CIT: variants seen among roughly 807,000 people sequenced by gnomAD.
The protein encoded by CIT is citron Rho-interacting kinase.
Under a neutral mutation model 272.7 loss-of-function variants are expected in CIT, and 79 were observed. The observed-to-expected ratio is 0.29, with a 90% CI of 0.24 to 0.35. The LOEUF (loss-of-function observed/expected upper bound fraction) is 0.35. Among genes scored for constraint, CIT ranks in the 10% least tolerant of loss-of-function variants. The pLI, the probability that CIT is intolerant of heterozygous loss-of-function variation, is 1.00. For missense variants in CIT, 1,909 were observed against 2,618.3 expected, an observed-to-expected ratio of 0.73 and a Z score of 5.91; for synonymous variants, 948 against 995.6, an observed-to-expected ratio of 0.95 and a Z score of 0.90.
At chr12:119,738,757 C>T (rs537734278) in intron 24 of CIT, among the ~76,000 whole-genome samples, 4 of 152,082 alleles carry the variant, frequency 2.6e-5, no homozygotes, top group African/African-American at 7.2e-5. Context: ...GTGGCACATG[C>T]CTATAATCCC....
intron 24 of CIT, among the ~76,000 whole-genome samples, chr12:119,739,805 A>G (rs1244914745): frequency 9.2e-5 from 14 of 152,170 alleles, no homozygotes; most frequent in Admixed American, 9.2e-4. Context: ...TCAGTGTTCC[A>G]TAAGTTGTAT....
In CIT at chr12:119,718,159, T is replaced by A. The variant is rs976673343; in HGVS notation, c.4168+86A>T. Reference sequence around the variant, plus strand: ...CTGGCCAAGACTGACTTTTTAATCTTTAACCCCTAGTATTACTTGTAATTT... The same window carrying A: ...CTGGCCAAGACTGACTTTTTAATCTATAACCCCTAGTATTACTTGTAATTT... On this transcript the variant is annotated intron_variant, in intron 32 of 47. Coordinates refer to ENST00000392521, the MANE Select transcript of CIT (RefSeq NM_001206999.2). This position sits in a 1 kb window ranked among gnomAD's most constrained non-coding sequence, Gnocchi z 4.8. 1.2e-5 allele frequency: 18 copies of A among 1,447,304 alleles called. No individual in the cohort carries two copies. The highest frequency in any genetic ancestry group is 1.6e-5 in the Non-Finnish European group (17 of 1,078,644). 89.7% of individuals were successfully genotyped at this position (1,447,304 alleles called of 1,614,324 possible).
At chr12:119,693,703 T>A (rs989513303) in intron 46 of CIT, among the ~76,000 whole-genome samples, 10 of 152,240 alleles carry the variant, frequency 6.6e-5, no homozygotes. Context: ...ATTTAATTAT[T>A]GGCACTTCTG....
chr12:119,705,592 AAAT>A (rs1198435447), intron 40 of CIT, among the ~76,000 whole-genome samples: 5 of 152,154 alleles, frequency 3.3e-5, no homozygotes, highest in Admixed American at 2.0e-4. Flanking sequence ...ATTAGAATGA[AAAT>A]AATTTCTAAT....
At chr12:119,744,856 A>G (rs911394165) in intron 23 of CIT, among the ~76,000 whole-genome samples, 1 of 152,160 alleles carries the variant, frequency 6.6e-6, no homozygotes, top group Non-Finnish European at 1.5e-5. Context: ...AGAAAAGATT[A>G]GTGAACTTGA....
intron 23 of CIT, among the ~76,000 whole-genome samples, chr12:119,745,842 C>T (rs1959309287): frequency 6.6e-6 from 1 of 151,996 alleles, no homozygotes; most frequent in Admixed American, 6.6e-5. Context: ...TAGATAGTTG[C>T]ATAGACAGAA....
At chr12:119,750,748 T>TATAGATAGATAGATAG (rs6144898) in intron 23 of CIT, among the ~76,000 whole-genome samples, 6 of 147,980 alleles carry the variant, frequency 4.1e-5, no homozygotes, top group South Asian at 2.2e-4. Context: ...TATATATAGA[T>TATAGATAGATAGATAG]ATAGATAGAT....
At chr12:119,858,914 A>G (rs1376039733) in intron 3 of CIT, among the ~76,000 whole-genome samples, 1 of 152,090 alleles carries the variant, frequency 6.6e-6, no homozygotes, top group African/African-American at 2.4e-5. Context: ...GACATACTAC[A>G]TGTCCAAATG....
chr12:119,875,457 T>C (rs1187170446), intron 2 of CIT, among the ~76,000 whole-genome samples: 2 of 152,086 alleles, frequency 1.3e-5, no homozygotes, highest in African/African-American at 4.8e-5. Flanking sequence ...AAACTCTAAA[T>C]AGAGGGCCAG....
In CIT at chr12:119,721,469, G is replaced by C; in HGVS notation, c.3592-20C>G. The C allele has an allele frequency of 6.3e-7, 1 of 1,594,714 alleles. No homozygotes were observed. The highest frequency in any genetic ancestry group is 8.6e-7 in the Non-Finnish European group (1 of 1,164,386). ...GGCTTGCTAGTGGGGAGAAGGGCCA[G>C]GGAAATGCTTGATACTGCACACAAT... is the stretch of plus-strand genomic sequence containing the variant. On this transcript the variant is annotated intron_variant, in intron 28 of 47. Transcript: ENST00000392521.
intron 5 of CIT, among the ~76,000 whole-genome samples, chr12:119,847,365 G>A (rs1283668447): frequency 6.6e-6 from 1 of 151,968 alleles, no homozygotes; most frequent in Non-Finnish European, 1.5e-5. Flanking sequence ...AGGCCAAGAC[G>A]GGTGGATCAC....
chr12:119,780,668 G>A (rs976844123), intron 13 of CIT, among the ~76,000 whole-genome samples: 3 of 152,098 alleles, frequency 2.0e-5, no homozygotes, highest in Admixed American at 2.0e-4. Flanking sequence ...AAAGATCAGG[G>A]AATAAATCCC....
Position 119,713,701 on chromosome 12 carries a change from T to C in CIT, c.4307-53A>G, listed in dbSNP as rs747104190. The C allele has an allele frequency of 1.1e-5, 18 of 1,586,748 alleles. No individual in the cohort carries two copies. The highest frequency in any genetic ancestry group is 1.5e-5 in the Non-Finnish European group (17 of 1,155,612). ...GGCATGCTCAGCTGACCCTGGACCC[T>C]TCCCTTCCTCTGCCAGCCAACGCCT... On this transcript the variant is annotated intron_variant, in intron 33 of 47. Transcript: ENST00000392521. This position sits in a 1 kb window ranked among gnomAD's most constrained non-coding sequence, Gnocchi z 5.2.
chr12:119,824,951 A>T (rs1466341285), intron 8 of CIT, among the ~76,000 whole-genome samples: 1 of 151,668 alleles, frequency 6.6e-6, no homozygotes. Context: ...GGCGCCCACC[A>T]CCACAACTGG....
At chr12:119,787,513 C>T (rs796569354) in intron 10 of CIT, among the ~76,000 whole-genome samples, 15 of 151,572 alleles carry the variant, frequency 9.9e-5, no homozygotes, top group African/African-American at 3.4e-4. Flanking sequence ...AAGCGGATCA[C>T]GAGGTCAGGA....
intron 3 of CIT, among the ~76,000 whole-genome samples, chr12:119,858,843 G>A (rs1950247950): frequency 6.6e-6 from 1 of 151,864 alleles, no homozygotes; most frequent in South Asian, 2.1e-4. Context: ...ACAGCGTGGT[G>A]GGCAGAAGGG....
At chr12:119,742,521 G>T in intron 23 of CIT, 57 bp from the exon 24 acceptor site, 1 of 1,311,960 alleles carries the variant, frequency 7.6e-7, no homozygotes, top group Non-Finnish European at 1.1e-6. Flanking sequence ...AATTCTACAT[G>T]CTACGGGTCA....
intron 9 of CIT, among the ~76,000 whole-genome samples, chr12:119,815,044 A>T (rs1188231850): frequency 6.6e-6 from 1 of 151,306 alleles, no homozygotes; most frequent in African/African-American, 2.4e-5. Flanking sequence ...TCTCAAAAAA[A>T]AAAAAAAAAA....
chr12:119,872,814 A>G (rs1950721987), intron 2 of CIT, among the ~76,000 whole-genome samples: 1 of 151,952 alleles, frequency 6.6e-6, no homozygotes, highest in African/African-American at 2.4e-5. Flanking sequence ...GTATTTATTT[A>G]GAAACAGGGT....
Sources: gnomAD v4.1 joint callset for allele counts (sites outside exome capture counted in the v4.1 genomes callset) on GRCh38, gnomAD v4.1.1 for gene constraint, Gnocchi (gnomAD v3.1) non-coding constraint, MANE v1.5 for transcripts, NCBI Gene and HGNC (gene_info 2026-07-23, HGNC 2026-07-21) for gene names.